Variants in PDE1C observed in about 807,000 individuals in gnomAD.
PDE1C encodes the protein dual specificity calcium/calmodulin-dependent 3',5'-cyclic nucleotide phosphodiesterase 1C.
PDE1C carries 62 observed loss-of-function variants against 93.1 expected under a neutral mutation model. That is an observed-to-expected ratio of 0.67 (90% CI 0.54 to 0.82). PDE1C has a LOEUF of 0.82. Ranked by LOEUF, PDE1C falls within the 40% of genes least tolerant of loss-of-function variation. The probability of loss-of-function intolerance (pLI) is 0.00; values close to 1 mark genes in which losing one functional copy is unlikely to be tolerated. For missense variants in PDE1C, 742 were observed against 884.6 expected, an observed-to-expected ratio of 0.84 and a Z score of 2.04; for synonymous variants, 325 against 310.1, an observed-to-expected ratio of 1.05 and a Z score of -0.50.
chr7:31,989,017 AAGAG>A (rs1247058419), intron 2 of PDE1C, among the ~76,000 whole-genome samples: 1 of 147,562 alleles, frequency 6.8e-6, no homozygotes, highest in African/African-American at 2.5e-5. Flanking sequence ...AAAAAAAAAA[AAGAG>A]AGAGAGAGAA....
chr7:32,246,309 C>T (rs1156671691), intron 1 of PDE1C, among the ~76,000 whole-genome samples: 3 of 152,098 alleles, frequency 2.0e-5, no homozygotes, highest in Admixed American at 1.3e-4. Flanking sequence ...ACATGCAGAA[C>T]ATAGCAATCA....
intron 1 of PDE1C, among the ~76,000 whole-genome samples, chr7:32,287,327 C>T (rs1036831615): frequency 2.6e-5 from 4 of 152,182 alleles, no homozygotes; most frequent in African/African-American, 9.6e-5. Flanking sequence ...TCTCCTCCCT[C>T]CAGCCACAGG....
intron 1 of PDE1C, among the ~76,000 whole-genome samples, chr7:32,355,277 T>C (rs984054247): frequency 6.6e-6 from 1 of 152,228 alleles, no homozygotes; most frequent in South Asian, 2.1e-4. Context: ...GAAGGCAAGA[T>C]GGCTGGGACC....
intron 2 of PDE1C, among the ~76,000 whole-genome samples, chr7:31,980,806 C>A (rs1221676730): frequency 6.6e-6 from 1 of 152,184 alleles, no homozygotes; most frequent in African/African-American, 2.4e-5. Context: ...GACCACCCAC[C>A]TTCCTGGGCT....
the PDE1C span, among the ~76,000 whole-genome samples, chr7:31,741,008 G>A: frequency 1.3e-5 from 2 of 151,280 alleles, no homozygotes; most frequent in Non-Finnish European, 2.9e-5. Flanking sequence ...GTTTGAGGCT[G>A]CAGTGATCAT....
the PDE1C span, among the ~76,000 whole-genome samples, chr7:31,732,613 C>T: frequency 1.6e-3 from 218 of 139,150 alleles, 1 homozygote; most frequent in African/African-American, 5.5e-3. Context: ...TTAAATCTTT[C>T]TCTCTCTCTC....
At chr7:32,387,418 G>A (rs1784651028) in intron 1 of PDE1C, among the ~76,000 whole-genome samples, 1 of 151,716 alleles carries the variant, frequency 6.6e-6, no homozygotes, top group Admixed American at 6.5e-5. Flanking sequence ...TCCTGGCCGG[G>A]CAGAGGGGCT....
chr7:32,027,818 T>A lies in PDE1C; in HGVS notation c.128+23736A>T, dbSNP rs566458331. ...TTGCCATTTTCCTCAAATTCTTCATTTGATGTTTCCAAAGCAACAACAACA... is the reference window on the plus strand; with the variant it reads ...TTGCCATTTTCCTCAAATTCTTCATATGATGTTTCCAAAGCAACAACAACA... On this transcript the variant is annotated intron_variant, in intron 2 of 17. Transcript: ENST00000396191. Among the ~76,000 whole-genome samples, 10 of 151,920 alleles carry A rather than the reference T, an allele frequency of 6.6e-5. No homozygotes were observed. The South Asian group carries it at 2.1e-3, about 32-fold the overall frequency.
At chr7:31,672,569 C>CT in the PDE1C span, among the ~76,000 whole-genome samples, 7,121 of 151,262 alleles carry the variant, frequency 0.047, 548 homozygotes, top group African/African-American at 0.16. Flanking sequence ...TTTCTTTTTC[C>CT]TTTTTTATTT....
intron 1 of PDE1C, among the ~76,000 whole-genome samples, chr7:32,409,090 A>T (rs915898682): frequency 3.9e-5 from 6 of 152,192 alleles, no homozygotes; most frequent in African/African-American, 1.4e-4. Flanking sequence ...AGGAAAGGCC[A>T]GGCATAGTGG....
At chr7:32,161,683 G>C (rs1375710622) in intron 3 of PDE1C, among the ~76,000 whole-genome samples, 1 of 152,158 alleles carries the variant, frequency 6.6e-6, no homozygotes, top group Non-Finnish European at 1.5e-5. Context: ...AGCAGTTCCT[G>C]TTGCTAATTA....
intron 2 of PDE1C, among the ~76,000 whole-genome samples, chr7:32,181,342 T>C (rs1398558858): frequency 6.6e-6 from 1 of 152,128 alleles, no homozygotes; most frequent in African/African-American, 2.4e-5. Flanking sequence ...CAACAGAATA[T>C]ACATTCTTCT....
rs149459777 is a variant in PDE1C at position 32,380,662 on chromosome 7, C to T, written c.310+47160G>A. On this transcript the variant is annotated intron_variant, in intron 1 of 1. Coordinates refer to the PDE1C transcript ENST00000672256. Reference sequence around the variant, plus strand: ...CAAATCAAGGTCAAGTCTCAATCCTCACCTCATTCCTGCAGCCTGTGACAC... The same window carrying T: ...CAAATCAAGGTCAAGTCTCAATCCTTACCTCATTCCTGCAGCCTGTGACAC... Among the ~76,000 whole-genome samples the T allele has an allele frequency of 3.3e-3, 506 of 152,220 alleles. 5 individuals carry two copies. The highest frequency in any genetic ancestry group is 0.011 in the African/African-American group (475 of 41,526).
chr7:32,047,297 A>C (rs1393197804), intron 2 of PDE1C, among the ~76,000 whole-genome samples: 1 of 152,166 alleles, frequency 6.6e-6, no homozygotes, highest in African/African-American at 2.4e-5. Flanking sequence ...TTTACAGCGT[A>C]ATCCTCTCTA....
upstream of PDE1C, chr7:32,070,597 G>A (rs905611490): frequency 2.8e-6 from 4 of 1,422,970 alleles, no homozygotes; most frequent in Non-Finnish European, 2.7e-6. Flanking sequence ...GGTGCGCTCC[G>A]GAGGCAGCTG....
chr7:31,982,212 G>A (rs1812483582), intron 2 of PDE1C, among the ~76,000 whole-genome samples: 1 of 152,224 alleles, frequency 6.6e-6, no homozygotes, highest in Non-Finnish European at 1.5e-5. Flanking sequence ...TCCAGTCGAG[G>A]TTCCCTAGAC....
intron 2 of PDE1C, among the ~76,000 whole-genome samples, chr7:31,977,728 G>A (rs1811848671): frequency 6.6e-6 from 1 of 152,112 alleles, no homozygotes; most frequent in Admixed American, 6.6e-5. Context: ...TTAGAACAAG[G>A]ATCTTATCTT....
chr7:32,006,624 C>T (rs1206355953), intron 2 of PDE1C, among the ~76,000 whole-genome samples: 1 of 152,098 alleles, frequency 6.6e-6, no homozygotes, highest in Non-Finnish European at 1.5e-5. Context: ...AGGATAAGAG[C>T]TCAATGTTGG....
At chr7:32,303,615 G>A (rs1812928516), upstream of PDE1C, among the ~76,000 whole-genome samples, 4 of 152,066 alleles carry the variant, frequency 2.6e-5, 1 homozygote, top group South Asian at 8.3e-4. Flanking sequence ...CCCAGGAATG[G>A]CAGAGATAAT....
Sources: allele counts gnomAD v4.1 joint callset (sites outside exome capture counted in the v4.1 genomes callset), GRCh38; gene constraint gnomAD v4.1.1; transcripts MANE v1.5; gene names NCBI Gene and HGNC (gene_info 2026-07-23, HGNC 2026-07-21).